KAZN: variants seen among roughly 807,000 people sequenced by gnomAD.
KAZN encodes kazrin.
KAZN carries 40 observed loss-of-function variants against 87.4 expected under a neutral mutation model. The observed-to-expected ratio is 0.46, with a 90% CI of 0.36 to 0.60. The LOEUF (loss-of-function observed/expected upper bound fraction) is 0.60, where lower values mean the gene tolerates loss of function less well. KAZN is among the 20% of genes least tolerant of loss of function. KAZN has a pLI of 0.00. For missense variants in KAZN, 898 were observed against 1,073.9 expected, an observed-to-expected ratio of 0.84 and a Z score of 2.29; for synonymous variants, 466 against 458.3, an observed-to-expected ratio of 1.02 and a Z score of -0.22.
chr1:14,589,854 G>A lies in KAZN; in HGVS notation c.250-9129G>A, dbSNP rs868374824. Among the ~76,000 whole-genome samples the A allele has an allele frequency of 5.9e-5, 9 of 152,270 alleles. No individual in the cohort carries two copies. In the South Asian group the frequency reaches 1.0e-3, roughly 18 times the overall value. On this transcript the variant is annotated intron_variant, in intron 2 of 16. Coordinates refer to the KAZN transcript ENST00000636203. ...CGTAAGAGAAGAGGACTTATTCGGTGAGTAAAGCATCCTGGGAGTAGAAAG... is the reference window on the plus strand; with the variant it reads ...CGTAAGAGAAGAGGACTTATTCGGTAAGTAAAGCATCCTGGGAGTAGAAAG...
chr1:14,101,236 T>A (rs1334954160), intron 1 of KAZN, among the ~76,000 whole-genome samples: 1 of 152,218 alleles, frequency 6.6e-6, no homozygotes, highest in African/African-American at 2.4e-5. Context: ...TTAACTCTTT[T>A]CTGCACAGCT....
intron 7 of KAZN, 124 bp from the exon 8 acceptor site, chr1:15,065,506 C>A: frequency 1.2e-6 from 1 of 830,520 alleles, no homozygotes; most frequent in Non-Finnish European, 1.9e-6. Flanking sequence ...TCCCTGACCC[C>A]ACTGGCTTAA....
At chr1:14,962,052 C>G (rs1282930335) in intron 2 of KAZN, among the ~76,000 whole-genome samples, 2 of 152,212 alleles carry the variant, frequency 1.3e-5, no homozygotes, top group Non-Finnish European at 2.9e-5. Flanking sequence ...GTGGCCTTGT[C>G]CCAGCTAGGA....
chr1:14,876,356 A>T (rs1652770778), intron 1 of KAZN, among the ~76,000 whole-genome samples: 1 of 152,234 alleles, frequency 6.6e-6, no homozygotes, highest in South Asian at 2.1e-4. Flanking sequence ...CTGTGGGCTC[A>T]TTATTATGCA....
intron 2 of KAZN, among the ~76,000 whole-genome samples, chr1:14,417,993 C>CCAAAAAAAAAA (rs1664951096): frequency 3.0e-5 from 1 of 33,808 alleles, no homozygotes; most frequent in Non-Finnish European, 5.4e-5. Flanking sequence ...GAGACTGCCT[C>CCAAAAAAAAAA]AAAAAAAAAA....
rs1227396819 is a variant in KAZN at position 14,043,220 on chromosome 1, A to G, written c.92-137215A>G. 2.6e-5 allele frequency among the ~76,000 whole-genome samples: 4 copies of G among 152,312 alleles called. No homozygotes were observed. In the East Asian group the frequency reaches 7.7e-4, roughly 29 times the overall value. On this transcript the variant is annotated intron_variant, in intron 1 of 16. Coordinates refer to the KAZN transcript ENST00000636203. ...ACTTAACATAACGTCTTTAAGGTTC[A>G]TCTGTGTCGTAGCGTGTGTCAGAAT... is the stretch of plus-strand genomic sequence containing the variant.
At chr1:14,850,655 T>C (rs16850962) in intron 1 of KAZN, among the ~76,000 whole-genome samples, 3,015 of 152,276 alleles carry the variant, frequency 0.02, 97 homozygotes, top group African/African-American at 0.069. Flanking sequence ...ACATCTTTTT[T>C]GCAGCTCCAG....
At chr1:13,971,211 G>T (rs1642124045) in intron 1 of KAZN, among the ~76,000 whole-genome samples, 1 of 152,166 alleles carries the variant, frequency 6.6e-6, no homozygotes, top group Non-Finnish European at 1.5e-5. Context: ...TTATGGCCTT[G>T]CAGGGATATA....
intron 8 of KAZN, among the ~76,000 whole-genome samples, chr1:15,073,497 A>C (rs1450384719): frequency 6.6e-6 from 1 of 152,042 alleles, no homozygotes; most frequent in Non-Finnish European, 1.5e-5. Context: ...CCAGTAAGGG[A>C]GGAAACTTAC....
chr1:14,502,334 A>G (rs915963109), intron 2 of KAZN, among the ~76,000 whole-genome samples: 6 of 152,188 alleles, frequency 3.9e-5, no homozygotes, highest in African/African-American at 1.4e-4. Context: ...ACCACATATC[A>G]ACTGAATTGT....
At chr1:14,811,226 C>T (rs1022318192) in intron 1 of KAZN, among the ~76,000 whole-genome samples, 8 of 151,318 alleles carry the variant, frequency 5.3e-5, no homozygotes, top group Non-Finnish European at 7.4e-5. Context: ...GTAATTAGCA[C>T]GTCAGCTTTC....
At chr1:14,664,038 GGGATAGTA>G (rs1192743792) in intron 1 of KAZN, among the ~76,000 whole-genome samples, 1 of 152,202 alleles carries the variant, frequency 6.6e-6, no homozygotes, top group Non-Finnish European at 1.5e-5. Context: ...GTCGACCTTA[GGGATAGTA>G]TGCTAAGTGA....
At chr1:14,698,169 C>G (rs1641719602) in intron 1 of KAZN, among the ~76,000 whole-genome samples, 1 of 152,158 alleles carries the variant, frequency 6.6e-6, no homozygotes, top group Non-Finnish European at 1.5e-5. Context: ...AAATTAGTGA[C>G]TTTTTTGGTC....
intron 2 of KAZN, among the ~76,000 whole-genome samples, chr1:14,387,619 G>A (rs28811110): frequency 6.6e-6 from 1 of 152,076 alleles, no homozygotes; most frequent in Non-Finnish European, 1.5e-5. Flanking sequence ...TCCCAGTTAG[G>A]CTGCTCGGGG....
intron 2 of KAZN, among the ~76,000 whole-genome samples, chr1:14,340,963 C>A (rs1352705194): frequency 3.0e-5 from 4 of 135,196 alleles, no homozygotes; most frequent in Admixed American, 8.4e-5. Flanking sequence ...TCTCGACTCA[C>A]TGCAACCTCT....
intron 1 of KAZN, among the ~76,000 whole-genome samples, chr1:14,088,109 T>C (rs1258068852): frequency 6.6e-6 from 1 of 151,686 alleles, no homozygotes; most frequent in African/African-American, 2.4e-5. Context: ...TTTTAGCTAC[T>C]AATCTAATTT....
chr1:15,050,524 G>A (rs1674279425), intron 4 of KAZN, among the ~76,000 whole-genome samples: 1 of 152,222 alleles, frequency 6.6e-6, no homozygotes, highest in African/African-American at 2.4e-5. Flanking sequence ...CGGAGAAGCA[G>A]GAGGGCTTGG....
intron 1 of KAZN, among the ~76,000 whole-genome samples, chr1:14,002,694 T>A (rs1639852746): frequency 6.6e-6 from 1 of 152,130 alleles, no homozygotes; most frequent in Admixed American, 6.5e-5. Flanking sequence ...TATTAAAAAG[T>A]CAAGAAATGA....
chr1:14,554,964 G>T (rs556898172), intron 2 of KAZN, among the ~76,000 whole-genome samples: 1 of 152,304 alleles, frequency 6.6e-6, no homozygotes, highest in South Asian at 2.1e-4. Context: ...TCCTGTTCCC[G>T]TAAGAGTTCC....
Sources: gnomAD v4.1 joint callset for allele counts (sites outside exome capture counted in the v4.1 genomes callset) on GRCh38, gnomAD v4.1.1 for gene constraint, MANE v1.5 for transcripts, NCBI Gene and HGNC (gene_info 2026-07-23, HGNC 2026-07-21) for gene names.